TTC1: variants seen among roughly 807,000 people sequenced by gnomAD.
TTC1 encodes the protein tetratricopeptide repeat domain 1, also known as tetratricopeptide repeat protein 1.
A neutral mutation model predicts 37.6 loss-of-function variants in TTC1; 31 were observed. The ratio of observed to expected loss-of-function variants is 0.82; its 90% confidence interval spans 0.62 to 1.11. TTC1 has a LOEUF of 1.11. Among genes scored for constraint, TTC1 ranks in the 50% most tolerant of loss-of-function variants. TTC1 has a pLI of 0.00. For missense variants in TTC1, 351 were observed against 339.0 expected, an observed-to-expected ratio of 1.04 and a Z score of -0.28; for synonymous variants, 127 against 122.4, an observed-to-expected ratio of 1.04 and a Z score of -0.25.
At chr5:160,012,691 G>A (rs1443424537) in intron 2 of TTC1, among the ~76,000 whole-genome samples, 1 of 152,092 alleles carries the variant, frequency 6.6e-6, no homozygotes, top group Non-Finnish European at 1.5e-5. Context: ...TTTATTGCCT[G>A]TAAGTTTAAT....
Position 160,065,141 on chromosome 5 carries a change from A to G in TTC1, c.*76A>G. On this transcript the variant is annotated 3_prime_UTR_variant, in exon 8 of 8. Transcript: ENST00000231238. ...TGTTAGCTAGGGGAAAGGCCCTGCC[A>G]ATGTTTAACTTTTAAAAGCATCTTA... 1 of 1,560,766 alleles carries G rather than the reference A, an allele frequency of 6.4e-7. No homozygotes were observed. Among genetic ancestry groups the G allele is most frequent in the Non-Finnish European group, 8.6e-7 (1 of 1,157,828 alleles).
At chr5:160,039,107 A>G (rs969104906) in intron 4 of TTC1, 1 of 152,202 alleles carries the variant, frequency 6.6e-6, no homozygotes, top group Non-Finnish European at 1.5e-5. Flanking sequence ...AGAGGTAAAG[A>G]TGAAGAATTT....
At chr5:160,058,613 G>A (rs943647828) in intron 7 of TTC1, among the ~76,000 whole-genome samples, 14 of 151,886 alleles carry the variant, frequency 9.2e-5, no homozygotes, top group East Asian at 5.8e-4. Flanking sequence ...GGGTTTCACC[G>A]TGGTAGCCAG....
rs891470894 is a variant in TTC1 at position 160,014,671 on chromosome 5, C to G, written c.330+3813C>G. On this transcript the variant is annotated intron_variant, in intron 2 of 7. Coordinates refer to ENST00000231238, the MANE Select transcript of TTC1 (RefSeq NM_003314.3). ...TGAGCCATGATCACGCCACTGCACC[C>G]CAGCCTGTGCAACAGAGTGAGACCT... Among the ~76,000 whole-genome samples, 3 of 152,090 alleles carry G rather than the reference C, an allele frequency of 2.0e-5. No homozygotes were observed. The East Asian group carries it at 5.8e-4, about 29-fold the overall frequency.
intron 3 of TTC1, among the ~76,000 whole-genome samples, chr5:160,035,470 G>C (rs1219603609): frequency 1.3e-5 from 2 of 152,190 alleles, no homozygotes; most frequent in African/African-American, 4.8e-5. Context: ...AAACTCTTGA[G>C]CTCTTGCTTT....
intron 7 of TTC1, among the ~76,000 whole-genome samples, chr5:160,056,066 C>T (rs1327898167): frequency 6.6e-6 from 1 of 152,210 alleles, no homozygotes; most frequent in Non-Finnish European, 1.5e-5. Context: ...TGTATTCTGA[C>T]CATTCCATGC....
At chr5:160,038,726 G>C (rs1757038664) in intron 4 of TTC1, among the ~76,000 whole-genome samples, 1 of 136,834 alleles carries the variant, frequency 7.3e-6, no homozygotes, top group Non-Finnish European at 1.6e-5. Context: ...GCAGTGGTGT[G>C]ATCTCGGCTC....
chr5:160,018,952 A>C (rs1394997095), intron 2 of TTC1, among the ~76,000 whole-genome samples: 1 of 152,226 alleles, frequency 6.6e-6, no homozygotes, highest in African/African-American at 2.4e-5. Flanking sequence ...CGTTAGAATG[A>C]TTCCTTGTCT....
chr5:160,051,385 T>A (rs1757401739), intron 7 of TTC1, among the ~76,000 whole-genome samples: 1 of 152,216 alleles, frequency 6.6e-6, no homozygotes, highest in South Asian at 2.1e-4. Context: ...GATTTCCTTT[T>A]TGATTTTCTT....
At chr5:160,035,010 G>A in intron 2 of TTC1, 130 bp from the exon 3 acceptor site, 1 of 648,548 alleles carries the variant, frequency 1.5e-6, no homozygotes, top group Non-Finnish European at 2.4e-6. Flanking sequence ...CAAGGTTTTG[G>A]TGAAACTGAT....
chr5:160,038,875 C>T lies in TTC1; in HGVS notation c.504+2072C>T, dbSNP rs192241562. On this transcript the variant is annotated intron_variant, in intron 4 of 7. Coordinates refer to ENST00000231238, the MANE Select transcript of TTC1 (RefSeq NM_003314.3). ...ACAGAGTTTCACCATGTTGGTCAAGCTGGTCTCAAACTCCTGACCTCGTGA... is the reference window on the plus strand; with the variant it reads ...ACAGAGTTTCACCATGTTGGTCAAGTTGGTCTCAAACTCCTGACCTCGTGA... 4.6e-3 allele frequency: 700 copies of T among 152,218 alleles called. 6 individuals carry two copies. The highest frequency in any genetic ancestry group is 0.018 in the South Asian group (85 of 4,832). 9.4% of individuals were successfully genotyped at this position (152,218 alleles called of 1,614,324 possible).
intron 2 of TTC1, chr5:160,023,898 G>C: frequency 6.2e-7 from 1 of 1,603,486 alleles, no homozygotes; most frequent in East Asian, 2.2e-5. Context: ...TTCCTTGTGG[G>C]GTCAGGCTTC....
chr5:160,054,118 A>G (rs940002372), intron 7 of TTC1, among the ~76,000 whole-genome samples: 1 of 152,140 alleles, frequency 6.6e-6, no homozygotes, highest in Non-Finnish European at 1.5e-5. Flanking sequence ...CTCTGGGATA[A>G]TTAGCCTCCC....
intron 7 of TTC1, among the ~76,000 whole-genome samples, chr5:160,062,288 G>A (rs774921457): frequency 1.3e-5 from 2 of 152,184 alleles, no homozygotes; most frequent in Non-Finnish European, 2.9e-5. Context: ...TGCACTAGAG[G>A]GAAACCTCCT....
At chr5:160,041,729 A>G (rs1357908321) in intron 4 of TTC1, among the ~76,000 whole-genome samples, 2 of 152,176 alleles carry the variant, frequency 1.3e-5, no homozygotes, top group East Asian at 3.9e-4. Context: ...TCATTAGGTG[A>G]TAGGAATTTT....
chr5:160,022,952 C>T (rs1161496961), intron 2 of TTC1, among the ~76,000 whole-genome samples: 1 of 152,034 alleles, frequency 6.6e-6, no homozygotes, highest in East Asian at 1.9e-4. Flanking sequence ...TTTGTTAGTA[C>T]CTGCAATTAA....
At position 160,036,804 on chromosome 5, in the gene TTC1, G is replaced by T. The variant is rs201431453; in HGVS notation, c.504+1G>T. ...TAGAGCTGCAGCAAGGATGAAACAGGTATGTATCTGTGACCTTTTCTTTTT... is the reference window on the plus strand; with the variant it reads ...TAGAGCTGCAGCAAGGATGAAACAGTTATGTATCTGTGACCTTTTCTTTTT... On this transcript the variant is annotated splice_donor_variant, in intron 4 of 7. Coordinates refer to ENST00000231238, the MANE Select transcript of TTC1 (RefSeq NM_003314.3). LOFTEE classifies it high-confidence loss of function. 6.9e-6 allele frequency: 11 copies of T among 1,599,432 alleles called. No homozygotes were observed. The highest frequency in any genetic ancestry group is 1.7e-5 in the Admixed American group (1 of 59,964).
intron 2 of TTC1, among the ~76,000 whole-genome samples, chr5:160,019,580 CTTTTTTTTTTTTTT>C (rs201420281): frequency 0.05 from 5,419 of 108,860 alleles, 170 homozygotes; most frequent in East Asian, 0.16. Flanking sequence ...TTCTTTCATT[CTTTTTTTTTTTTTT>C]TTTTTTTTTG....
intron 3 of TTC1, chr5:160,036,370 C>G: frequency 4.8e-6 from 1 of 210,058 alleles, no homozygotes; most frequent in Non-Finnish European, 9.8e-6. Flanking sequence ...AAACTCCTTT[C>G]TGAATTGCCC....
Sources: gnomAD v4.1 joint callset for allele counts (sites outside exome capture counted in the v4.1 genomes callset) on GRCh38, gnomAD v4.1.1 for gene constraint, MANE v1.5 for transcripts, NCBI Gene and HGNC (gene_info 2026-07-23, HGNC 2026-07-21) for gene names.